Variants in IFT46 observed in about 807,000 individuals in gnomAD.
IFT46 encodes intraflagellar transport 46.
A neutral mutation model predicts 39.6 loss-of-function variants in IFT46; 19 were observed. That is an observed-to-expected ratio of 0.48 (90% CI 0.33 to 0.70). The LOEUF is 0.70. Ranked by LOEUF, IFT46 falls within the 30% of genes least tolerant of loss-of-function variation. IFT46 has a pLI of 0.01. For missense variants in IFT46, 334 were observed against 364.8 expected (o/e 0.92, Z 0.69); for synonymous variants, 117 against 134.8 (o/e 0.87, Z 0.91).
upstream of IFT46, chr11:118,573,106 A>G (rs1214570019): frequency 2.5e-5 from 4 of 158,880 alleles, no homozygotes; most frequent in Non-Finnish European, 5.6e-5. Flanking sequence ...AACTTCTAAC[A>G]CTAATGTATA....
intron 4 of IFT46, among the ~76,000 whole-genome samples, chr11:118,556,027 ATTAAT>A (rs1219447829): frequency 2.0e-5 from 3 of 152,068 alleles, no homozygotes; most frequent in African/African-American, 7.2e-5. Flanking sequence ...TTTAAATTTA[ATTAAT>A]TTATTTTTGA....
intron 9 of IFT46, among the ~76,000 whole-genome samples, chr11:118,550,645 A>G (rs1254814046): frequency 1.3e-5 from 2 of 152,194 alleles, no homozygotes; most frequent in African/African-American, 4.8e-5. Context: ...TGAAATTCAC[A>G]TATGTATACA....
chr11:118,551,982 G>T, intron 8 of IFT46, 130 bp from the exon 9 acceptor site: 1 of 1,058,572 alleles, frequency 9.4e-7, no homozygotes. Flanking sequence ...GGAGAACCTA[G>T]ACTGGGCATA....
In IFT46 at chr11:118,546,280, C is replaced by T. The variant is rs918225702; in HGVS notation, c.673-427G>A. 11 of 662,014 alleles carry T rather than the reference C, an allele frequency of 1.7e-5. No homozygotes were observed. The African/African-American group carries it at 1.8e-4, about 11-fold the overall frequency. The allele number at this position is 662,014 out of a possible 1,614,324, so 41.0% of individuals were successfully genotyped here. On this transcript the variant is annotated intron_variant, in intron 9 of 11. Transcript: ENST00000264021. ...TGGGAGGTTGAGGTGGGCAGATCGCCTGAGCCTAGGAGTTCGAGACCAGCC... is the reference window on the plus strand; with the variant it reads ...TGGGAGGTTGAGGTGGGCAGATCGCTTGAGCCTAGGAGTTCGAGACCAGCC...
chr11:118,563,155 G>A (rs114124486), intron 2 of IFT46, among the ~76,000 whole-genome samples: 1,646 of 151,866 alleles, frequency 0.011, 31 homozygotes, highest in African/African-American at 0.038. Flanking sequence ...TGAACCTTAA[G>A]AACATCACAA....
chr11:118,563,522 A>C (rs576947169), intron 2 of IFT46, among the ~76,000 whole-genome samples: 1 of 152,298 alleles, frequency 6.6e-6, no homozygotes, highest in East Asian at 1.9e-4. Flanking sequence ...ACCAAGTCTT[A>C]GTGATTCTGC....
chr11:118,545,599 G>A, intron 10 of IFT46, 105 bp from the exon 11 acceptor site: 3 of 1,118,368 alleles, frequency 2.7e-6, no homozygotes, highest in Non-Finnish European at 4.0e-6. Context: ...GTGTCGCTAT[G>A]ACTTTGGGGG....
chr11:118,557,458 C>T (rs1383332280), intron 3 of IFT46: 3 of 442,110 alleles, frequency 6.8e-6, no homozygotes, highest in Non-Finnish European at 1.2e-5. Flanking sequence ...TCTTAATACT[C>T]ACAAAGACCA....
At chr11:118,555,845 C>G (rs1357332757) in intron 4 of IFT46, among the ~76,000 whole-genome samples, 1 of 151,564 alleles carries the variant, frequency 6.6e-6, no homozygotes, top group African/African-American at 2.4e-5. Flanking sequence ...ATCACTTGAA[C>G]CTGGAAGGCA....
chr11:118,569,718 A>T (rs1938297662), upstream of IFT46, among the ~76,000 whole-genome samples: 1 of 152,188 alleles, frequency 6.6e-6, no homozygotes, highest in African/African-American at 2.4e-5. Context: ...TGTAAAATGG[A>T]GACAATAAAG....
exon 1 of IFT46, chr11:118,572,663 G>C (rs539592674): frequency 7.1e-7 from 1 of 1,400,612 alleles, no homozygotes; most frequent in South Asian, 1.3e-5. Flanking sequence ...CTAGGGCAGA[G>C]TGCTTTTGCT....
At chr11:118,556,449 C>T (rs570735490) in intron 4 of IFT46, among the ~76,000 whole-genome samples, 1 of 152,130 alleles carries the variant, frequency 6.6e-6, no homozygotes, top group African/African-American at 2.4e-5. Context: ...GCCGAGATCA[C>T]GCCACTGCAC....
At chr11:118,562,767 T>C (rs943757459) in intron 2 of IFT46, among the ~76,000 whole-genome samples, 8 of 151,608 alleles carry the variant, frequency 5.3e-5, no homozygotes, top group African/African-American at 1.7e-4. Context: ...AATGAATGAA[T>C]TAAAAAACGT....
At chr11:118,554,929 G>T in intron 6 of IFT46, 61 bp downstream of exon 6, 1 of 1,194,562 alleles carries the variant, frequency 8.4e-7, no homozygotes, top group South Asian at 1.2e-5. Context: ...AAACTGTTAA[G>T]AGTAACAGGG....
chr11:118,565,995 C>A (rs565401443), upstream of IFT46: 76 of 152,296 alleles, frequency 5.0e-4, no homozygotes, highest in African/African-American at 1.8e-3. Flanking sequence ...TAAGCCTCAC[C>A]CGCGAAGGCT....
upstream of IFT46, among the ~76,000 whole-genome samples, chr11:118,566,637 G>A (rs1340782313): frequency 2.6e-5 from 4 of 152,220 alleles, no homozygotes; most frequent in African/African-American, 9.6e-5. Flanking sequence ...AGCTTGCAGG[G>A]AGCCGAGATC....
At chr11:118,559,607 T>G (rs1937962705) in intron 3 of IFT46, among the ~76,000 whole-genome samples, 178 bp downstream of exon 3, 2 of 152,194 alleles carry the variant, frequency 1.3e-5, no homozygotes, top group African/African-American at 4.8e-5. Flanking sequence ...TAGGCTTTAT[T>G]CCTGAAGAAG....
intron 2 of IFT46, chr11:118,560,100 T>C (rs1450626301): frequency 2.1e-6 from 1 of 474,472 alleles, no homozygotes; most frequent in East Asian, 3.9e-5. Flanking sequence ...CTATTCAAAT[T>C]ATCTGCCATT....
In IFT46 at chr11:118,556,915, G is replaced by A. The variant is rs1439594367; in HGVS notation, c.176C>T (p.Pro59Leu). 6.2e-7 allele frequency: 1 copy of A among 1,601,280 alleles called. No individual in the cohort carries two copies. Reference protein sequence around the residue: ...SDDDDEEHGAPLEGAYDPADY... With the variant: ...SDDDDEEHGALLEGAYDPADY... Reference sequence around the variant, plus strand: ...GGTGTTCTTTCCTCACCCTTCCAGAGGGGCTCCATGCTCTTCATCATCATC... The same window carrying A: ...GGTGTTCTTTCCTCACCCTTCCAGAAGGGCTCCATGCTCTTCATCATCATC... Residue 59 changes from proline (P) to leucine (L), a missense_variant, in exon 4 of 12, where the codon CCT becomes CTT. Pro to Leu is a moderately conservative substitution (Grantham distance 98). Transcript: ENST00000264021.
Sources: allele counts gnomAD v4.1 joint callset (sites outside exome capture counted in the v4.1 genomes callset), GRCh38; gene constraint gnomAD v4.1.1; transcripts MANE v1.5; gene names NCBI Gene and HGNC (gene_info 2026-07-23, HGNC 2026-07-21).